Variants in SH3GL3 observed in about 807,000 individuals in gnomAD.
The protein encoded by SH3GL3 is endophilin-A3.
In SH3GL3, 33 loss-of-function variants were observed where a neutral mutation model predicts 47.7. The ratio of observed to expected loss-of-function variants is 0.69; its 90% CI spans 0.52 to 0.92. SH3GL3 has a LOEUF of 0.92. Among genes scored for constraint, SH3GL3 ranks in the 40% least tolerant of loss-of-function variants. The pLI is 0.00. For synonymous variants in SH3GL3, 155 were observed against 148.8 expected, an observed-to-expected ratio of 1.04 and a Z score of -0.30; for missense variants, 363 against 417.8, an observed-to-expected ratio of 0.87 and a Z score of 1.14.
intron 1 of SH3GL3, among the ~76,000 whole-genome samples, chr15:83,515,028 C>G (rs555870879): frequency 2.0e-5 from 3 of 152,162 alleles, no homozygotes; most frequent in Non-Finnish European, 2.9e-5. Context: ...CACGGATCCT[C>G]TCTCCTAGAG....
chr15:83,568,883 A>G (rs62027558), intron 4 of SH3GL3, among the ~76,000 whole-genome samples: 22,511 of 151,616 alleles, frequency 0.15, 1,771 homozygotes, highest in Middle Eastern at 0.24. Flanking sequence ...GATAGGCCCA[A>G]TTAAACTCTG....
chr15:83,570,906 G>T (rs1027997959), intron 4 of SH3GL3, among the ~76,000 whole-genome samples: 1 of 152,216 alleles, frequency 6.6e-6, no homozygotes, highest in Non-Finnish European at 1.5e-5. Flanking sequence ...TGCCAGGCAG[G>T]CCTTGAAATC....
At chr15:83,533,734 G>A (rs1308769546) in intron 1 of SH3GL3, among the ~76,000 whole-genome samples, 1 of 151,888 alleles carries the variant, frequency 6.6e-6, no homozygotes, top group Non-Finnish European at 1.5e-5. Flanking sequence ...AGTGTAGGAT[G>A]AAAGGAGGGG....
chr15:83,577,307 C>T (rs1435415660), intron 6 of SH3GL3, among the ~76,000 whole-genome samples: 1 of 152,186 alleles, frequency 6.6e-6, no homozygotes, highest in African/African-American at 2.4e-5. Context: ...GTTGGACAAA[C>T]TTGCTCTAAA....
chr15:83,461,988 C>T (rs1230330494), intron 1 of SH3GL3, among the ~76,000 whole-genome samples: 1 of 152,174 alleles, frequency 6.6e-6, no homozygotes, highest in Non-Finnish European at 1.5e-5. Context: ...TTATTATATA[C>T]TTGTAGAAGG....
intron 8 of SH3GL3, among the ~76,000 whole-genome samples, chr15:83,616,364 T>A (rs1014249020): frequency 2.7e-5 from 4 of 149,660 alleles, no homozygotes; most frequent in Non-Finnish European, 5.9e-5. Flanking sequence ...GCCATTCTCC[T>A]GCCTCAGCCT....
chr15:83,593,778 T>C (rs990906892), intron 8 of SH3GL3, among the ~76,000 whole-genome samples: 2 of 152,192 alleles, frequency 1.3e-5, no homozygotes, highest in Non-Finnish European at 2.9e-5. Flanking sequence ...CATTCAATAC[T>C]TCATAATTAA....
chr15:83,563,205 G>T (rs1489657497), intron 2 of SH3GL3, among the ~76,000 whole-genome samples: 1 of 152,072 alleles, frequency 6.6e-6, no homozygotes, highest in Non-Finnish European at 1.5e-5. Context: ...TGCTTTCTAT[G>T]TATGTACTTT....
At chr15:83,544,010 A>T (rs889720694) in intron 1 of SH3GL3, among the ~76,000 whole-genome samples, 2 of 150,382 alleles carry the variant, frequency 1.3e-5, no homozygotes, top group Non-Finnish European at 3.0e-5. Flanking sequence ...TTTCAATTTT[A>T]TTTATTTCTG....
At chr15:83,526,756 A>T (rs2043436732) in intron 1 of SH3GL3, among the ~76,000 whole-genome samples, 1 of 151,830 alleles carries the variant, frequency 6.6e-6, no homozygotes, top group Non-Finnish European at 1.5e-5. Context: ...TGTACAAAAA[A>T]CCCCTGTGAC....
At position 83,593,906 on chromosome 15, in the gene SH3GL3, C is replaced by T. The variant is rs543065294; in HGVS notation, c.838+5135C>T. ...CAGTCGCAGCTTGTTGCAACCTCAA[C>T]CTGCCAGGCTCAAAAGATCCTCCCA... is the stretch of plus-strand genomic sequence containing the variant. On this transcript the variant is annotated intron_variant, in intron 8 of 8. Coordinates refer to ENST00000427482, the MANE Select transcript of SH3GL3 (RefSeq NM_003027.5). Among the ~76,000 whole-genome samples, 14 of 152,208 alleles carry T rather than the reference C, an allele frequency of 9.2e-5. No homozygotes were observed. The East Asian group carries it at 2.3e-3, about 25-fold the overall frequency.
chr15:83,627,579 T>C, the SH3GL3 span, among the ~76,000 whole-genome samples: 1 of 152,160 alleles, frequency 6.6e-6, no homozygotes, highest in Non-Finnish European at 1.5e-5. Context: ...GATCTCCCTG[T>C]TCATTAGAAT....
At chr15:83,494,135 A>G (rs936646032) in intron 1 of SH3GL3, among the ~76,000 whole-genome samples, 1 of 152,198 alleles carries the variant, frequency 6.6e-6, no homozygotes, top group African/African-American at 2.4e-5. Flanking sequence ...AATTCTGCAT[A>G]CTGGATGCAT....
chr15:83,551,082 T>C (rs1254381788), intron 1 of SH3GL3, among the ~76,000 whole-genome samples: 1 of 152,158 alleles, frequency 6.6e-6, no homozygotes, highest in African/African-American at 2.4e-5. Context: ...ACCCAACACA[T>C]CTAGACAAAA....
rs571659289 is a variant in SH3GL3 at position 83,573,190 on chromosome 15, C to T, written c.465+492C>T. Among the ~76,000 whole-genome samples the T allele has an allele frequency of 5.3e-5, 8 of 152,320 alleles. No individual in the cohort carries two copies. The South Asian group carries it at 1.7e-3, about 32-fold the overall frequency. On this transcript the variant is annotated intron_variant, in intron 5 of 8. Transcript: ENST00000427482. ...CCTGGAGATAATTGCATGCCACTTGCATGGTGGCATTTTTGTAGATGTGCA... is the reference window on the plus strand; with the variant it reads ...CCTGGAGATAATTGCATGCCACTTGTATGGTGGCATTTTTGTAGATGTGCA...
chr15:83,550,200 T>C (rs1378723659), intron 1 of SH3GL3, among the ~76,000 whole-genome samples: 3 of 152,082 alleles, frequency 2.0e-5, no homozygotes, highest in Non-Finnish European at 4.4e-5. Flanking sequence ...TGCCAACTGG[T>C]TGAAAGGAGA....
At chr15:83,483,907 G>A (rs1343870715) in intron 1 of SH3GL3, among the ~76,000 whole-genome samples, 1 of 152,228 alleles carries the variant, frequency 6.6e-6, no homozygotes, top group Non-Finnish European at 1.5e-5. Context: ...AGTTTGTAAA[G>A]CTGATCTAGA....
At chr15:83,476,309 A>G (rs1334639854) in intron 1 of SH3GL3, among the ~76,000 whole-genome samples, 2 of 152,210 alleles carry the variant, frequency 1.3e-5, no homozygotes, top group African/African-American at 4.8e-5. Context: ...TTACCATCGC[A>G]TGAGATAAAT....
chr15:83,585,601 T>C (rs1023833973), intron 6 of SH3GL3, among the ~76,000 whole-genome samples: 9 of 152,184 alleles, frequency 5.9e-5, no homozygotes, highest in African/African-American at 1.9e-4. Flanking sequence ...CCTGGACTTA[T>C]TTAAAAGTAC....
Sources: gnomAD v4.1 joint callset for allele counts (sites outside exome capture counted in the v4.1 genomes callset) on GRCh38, gnomAD v4.1.1 for gene constraint, MANE v1.5 for transcripts, NCBI Gene and HGNC (gene_info 2026-07-23, HGNC 2026-07-21) for gene names.